Variants in NBAS observed in about 807,000 individuals in gnomAD.
The protein encoded by NBAS is NAG/BC035112 fusion.
NBAS carries 219 observed loss-of-function variants against 302.5 expected under a neutral mutation model. The observed-to-expected ratio is 0.72, with a 90% CI of 0.65 to 0.81. The LOEUF (loss-of-function observed/expected upper bound fraction) is 0.81, where lower values mean the gene tolerates loss of function less well. Ranked by LOEUF, NBAS falls within the 30% of genes least tolerant of loss-of-function variation. The pLI is 0.00. For missense variants in NBAS, 2,932 were observed against 2,841.6 expected (o/e 1.03, Z -0.72); for synonymous variants, 1,118 against 1,021.6 (o/e 1.09, Z -1.80).
chr2:14,841,091 T>C, the NBAS span, among the ~76,000 whole-genome samples: 3 of 152,024 alleles, frequency 2.0e-5, no homozygotes, highest in Non-Finnish European at 4.4e-5. Context: ...TATTCTTTTC[T>C]TTGTGATCTA....
chr2:15,495,378 A>G (rs895978387), intron 11 of NBAS, among the ~76,000 whole-genome samples: 1 of 152,226 alleles, frequency 6.6e-6, no homozygotes, highest in African/African-American at 2.4e-5. Flanking sequence ...GAATACATGG[A>G]CACAAAAGGA....
At chr2:14,955,605 C>A in the NBAS span, among the ~76,000 whole-genome samples, 2 of 152,224 alleles carry the variant, frequency 1.3e-5, no homozygotes, top group Non-Finnish European at 2.9e-5. Context: ...GGCAGAGGTT[C>A]CCCAACCTCA....
the NBAS span, among the ~76,000 whole-genome samples, chr2:14,939,068 TACAGATAGAGACTAGCCC>T: frequency 1.3e-5 from 2 of 152,182 alleles, no homozygotes; most frequent in Non-Finnish European, 2.9e-5. Flanking sequence ...TCACCACAGA[TACAGATAGAGACTAGCCC>T]ACAATAAACT....
intron 48 of NBAS, among the ~76,000 whole-genome samples, chr2:15,212,598 C>A (rs573202147): frequency 5.3e-5 from 8 of 152,108 alleles, no homozygotes; most frequent in African/African-American, 1.9e-4. Context: ...GTGTCCCCAC[C>A]CAAATCTCAT....
chr2:15,113,410 T>C, the NBAS span, among the ~76,000 whole-genome samples: 1 of 149,904 alleles, frequency 6.7e-6, no homozygotes, highest in African/African-American at 2.4e-5. Flanking sequence ...GCCAATCTAT[T>C]GTTTCTCACT....
intron 9 of NBAS, among the ~76,000 whole-genome samples, chr2:15,525,722 ACAC>A (rs1189150132): frequency 7.9e-5 from 12 of 152,190 alleles, no homozygotes; most frequent in Non-Finnish European, 1.5e-4. Context: ...TTACCTTCAA[ACAC>A]TAACTAACTT....
chr2:15,484,735 T>A (rs971146720), intron 12 of NBAS, among the ~76,000 whole-genome samples: 1 of 152,194 alleles, frequency 6.6e-6, no homozygotes, highest in Non-Finnish European at 1.5e-5. Context: ...CATTTGTTCA[T>A]AATTTCCCTT....
At chr2:14,881,773 G>C in the NBAS span, among the ~76,000 whole-genome samples, 2 of 152,170 alleles carry the variant, frequency 1.3e-5, no homozygotes, top group Non-Finnish European at 2.9e-5. Context: ...CAATGGCAGA[G>C]CTGCGTAGTT....
intron 38 of NBAS, among the ~76,000 whole-genome samples, chr2:15,311,037 C>A (rs1247646771): frequency 6.6e-6 from 1 of 152,208 alleles, no homozygotes; most frequent in Admixed American, 6.5e-5. Flanking sequence ...AGGTCCCCAA[C>A]TGATTGACTA....
At chr2:14,930,287 A>G in the NBAS span, among the ~76,000 whole-genome samples, 1 of 152,236 alleles carries the variant, frequency 6.6e-6, no homozygotes, top group Non-Finnish European at 1.5e-5. Flanking sequence ...AAAATAGAGA[A>G]AAAATGAAAA....
the NBAS span, among the ~76,000 whole-genome samples, chr2:15,093,448 G>C: frequency 1.3e-5 from 2 of 152,096 alleles, no homozygotes; most frequent in Non-Finnish European, 2.9e-5. Flanking sequence ...CTATTGTATT[G>C]CTGCCTCACA....
the NBAS span, among the ~76,000 whole-genome samples, chr2:14,894,928 C>T: frequency 6.6e-6 from 1 of 152,010 alleles, no homozygotes; most frequent in African/African-American, 2.4e-5. Context: ...CGTGGTGAAG[C>T]GCCTATGGTC....
the NBAS span, among the ~76,000 whole-genome samples, chr2:14,895,555 G>A: frequency 3.3e-5 from 5 of 152,080 alleles, no homozygotes; most frequent in Admixed American, 2.0e-4. Context: ...TGGCTAACAC[G>A]GTGAAACCCC....
At chr2:15,373,308 T>C (rs772113200) in intron 31 of NBAS, among the ~76,000 whole-genome samples, 1 of 152,178 alleles carries the variant, frequency 6.6e-6, no homozygotes. Flanking sequence ...ATATTCAAAG[T>C]AATAATAATA....
chr2:15,004,903 T>C, the NBAS span, among the ~76,000 whole-genome samples: 2 of 152,130 alleles, frequency 1.3e-5, no homozygotes, highest in Non-Finnish European at 2.9e-5. Flanking sequence ...GTTTATATTT[T>C]CAATAGTAAA....
the NBAS span, among the ~76,000 whole-genome samples, chr2:15,090,788 C>T: frequency 2.0e-5 from 3 of 152,132 alleles, no homozygotes; most frequent in African/African-American, 7.2e-5. Flanking sequence ...TATTTGAAAG[C>T]TCTGCAGCAT....
At chr2:15,123,637 A>G in the NBAS span, among the ~76,000 whole-genome samples, 1 of 151,284 alleles carries the variant, frequency 6.6e-6, no homozygotes, top group African/African-American at 2.4e-5. Context: ...TTAAAAGAGC[A>G]CCTCCCTCCT....
the NBAS span, among the ~76,000 whole-genome samples, chr2:15,044,765 C>A: frequency 6.6e-6 from 1 of 152,168 alleles, no homozygotes; most frequent in African/African-American, 2.4e-5. Flanking sequence ...TTGTAAACAA[C>A]TATAAAGAGG....
At chr2:15,332,877 A>G (rs1201439398) in intron 35 of NBAS, among the ~76,000 whole-genome samples, 2 of 152,300 alleles carry the variant, frequency 1.3e-5, no homozygotes, top group East Asian at 3.9e-4. Context: ...GCTAAAAACT[A>G]CATTTCCTCA....
Sources: gnomAD v4.1 joint callset for allele counts (sites outside exome capture counted in the v4.1 genomes callset) on GRCh38, gnomAD v4.1.1 for gene constraint, MANE v1.5 for transcripts, NCBI Gene and HGNC (gene_info 2026-07-23, HGNC 2026-07-21) for gene names.